The following CEMIP variants were observed in gnomAD, a reference collection of about 807,000 sequenced individuals.
CEMIP encodes cell migration inducing hyaluronidase 1, also known as cell migration-inducing and hyaluronan-binding protein.
CEMIP carries 105 observed loss-of-function variants against 156.9 expected under a neutral mutation model. That is an observed-to-expected ratio of 0.67 (90% CI 0.57 to 0.79). The LOEUF (loss-of-function observed/expected upper bound fraction) is 0.79. CEMIP is among the 30% of genes least tolerant of loss of function. The pLI is 0.00. For synonymous variants in CEMIP, 676 were observed against 668.4 expected, an observed-to-expected ratio of 1.01 and a Z score of -0.17; for missense variants, 1,457 against 1,769.4, an observed-to-expected ratio of 0.82 and a Z score of 3.17.
At chr15:80,809,070 T>C (rs1488401912) in intron 1 of CEMIP, among the ~76,000 whole-genome samples, 1 of 152,208 alleles carries the variant, frequency 6.6e-6, no homozygotes, top group Admixed American at 6.5e-5. Flanking sequence ...CACAGTTTCA[T>C]ATAATGTCCG....
At position 80,946,999 on chromosome 15, in the gene CEMIP, G is replaced by A. The variant is rs201324806; in HGVS notation, c.3892G>A (p.Val1298Ile). 1.2e-5 allele frequency: 19 copies of A among 1,613,890 alleles called. No homozygotes were observed. The East Asian group carries it at 2.0e-4, about 17-fold the overall frequency. The part of the protein sequence containing the change: ...IVLMASKGRY[V>I]SRGPWTRVLE... ...GCTTATGGCATCAAAGGGAAGATAC[G>A]TCTCCAGAGGCCCATGGACCAGAGT... The change falls in exon 29 of 30, where the codon GTC becomes ATC. Residue 1298 changes from valine to isoleucine, a missense_variant. Physicochemically the swap from Val to Ile is conservative, Grantham distance 29 (BLOSUM62 3). Transcript: ENST00000394685.
chr15:80,851,820 G>A (rs959259740), intron 1 of CEMIP, among the ~76,000 whole-genome samples: 1 of 152,138 alleles, frequency 6.6e-6, no homozygotes, highest in Non-Finnish European at 1.5e-5. Flanking sequence ...ACTTCTTGAG[G>A]GACCTCATAC....
chr15:80,851,497 G>A (rs763194673), intron 1 of CEMIP, among the ~76,000 whole-genome samples: 14 of 152,186 alleles, frequency 9.2e-5, no homozygotes, highest in African/African-American at 2.9e-4. Flanking sequence ...GGAAATTCAC[G>A]TAATAAAATT....
chr15:80,850,666 T>C (rs1304175321), intron 1 of CEMIP, among the ~76,000 whole-genome samples: 1 of 152,034 alleles, frequency 6.6e-6, no homozygotes, highest in Non-Finnish European at 1.5e-5. Context: ...CTCCCTAAAG[T>C]TGAAGGTGTG....
At chr15:80,908,036 C>A (rs1487660960) in intron 13 of CEMIP, among the ~76,000 whole-genome samples, 1 of 152,186 alleles carries the variant, frequency 6.6e-6, no homozygotes, top group African/African-American at 2.4e-5. Context: ...GGATTTCTAT[C>A]ATCCCTGGCC....
intron 1 of CEMIP, among the ~76,000 whole-genome samples, chr15:80,809,876 C>A (rs988102100): frequency 6.6e-6 from 1 of 152,196 alleles, no homozygotes; most frequent in Non-Finnish European, 1.5e-5. Context: ...ATTGTTTGTG[C>A]TTTGAGTATC....
At chr15:80,891,142 A>G (rs1278644773) in intron 10 of CEMIP, among the ~76,000 whole-genome samples, 1 of 152,130 alleles carries the variant, frequency 6.6e-6, no homozygotes, top group Non-Finnish European at 1.5e-5. Context: ...CCCTCTCCAA[A>G]TACTTCTGGA....
At position 80,932,143 on chromosome 15, in the gene CEMIP, G is replaced by A; in HGVS notation, c.2793+104G>A. 1 of 1,327,264 alleles carries A rather than the reference G, an allele frequency of 7.5e-7. No individual in the cohort carries two copies. The highest frequency in any genetic ancestry group is 1.1e-6 in the Non-Finnish European group (1 of 937,292). 82.2% of individuals were successfully genotyped at this position (1,327,264 alleles called of 1,614,324 possible). On this transcript the variant is annotated intron_variant, in intron 22 of 29. Transcript: ENST00000394685. This position sits in a 1 kb window ranked among gnomAD's most constrained non-coding sequence, Gnocchi z 4.5. ...TTGAGCTATTGCCACCACCGCAGGG[G>A]TTGAGAAGCCTCCTCCAACTAGGCT...
chr15:80,945,901 C>T (rs951393665), intron 28 of CEMIP, among the ~76,000 whole-genome samples: 11 of 152,250 alleles, frequency 7.2e-5, no homozygotes, highest in Admixed American at 5.9e-4. Flanking sequence ...AGGGGATAGA[C>T]ACTCCTTATT....
Position 80,880,688 on chromosome 15 carries a change from G to A in CEMIP, c.381-212G>A, listed in dbSNP as rs552931789. ...TGACCTCAAGTGATCTGCCTGTCTC[G>A]GCCTCTCAAAGTGCTGGGATTACAG... On this transcript the variant is annotated intron_variant, in intron 5 of 29. Transcript: ENST00000394685. 7.2e-4 allele frequency among the ~76,000 whole-genome samples: 109 copies of A among 152,198 alleles called. 1 individual carries two copies. In the Middle Eastern group the frequency reaches 0.01, roughly 14 times the overall value.
At chr15:80,837,999 CCACT>C (rs1271694507) in intron 1 of CEMIP, among the ~76,000 whole-genome samples, 1 of 152,214 alleles carries the variant, frequency 6.6e-6, no homozygotes, top group Non-Finnish European at 1.5e-5. Context: ...AATGCATTTC[CCACT>C]CTGCCCCTCT....
intron 1 of CEMIP, among the ~76,000 whole-genome samples, chr15:80,814,956 G>A (rs1368460574): frequency 6.6e-6 from 1 of 152,178 alleles, no homozygotes; most frequent in African/African-American, 2.4e-5. Flanking sequence ...AAAGTGCTGG[G>A]ATTATAGACA....
At chr15:80,817,384 CAGG>C (rs1056250855) in intron 1 of CEMIP, among the ~76,000 whole-genome samples, 5 of 152,098 alleles carry the variant, frequency 3.3e-5, no homozygotes, top group African/African-American at 9.6e-5. Context: ...AGCTTGAGCT[CAGG>C]AGTTCAAGAC....
intron 14 of CEMIP, among the ~76,000 whole-genome samples, chr15:80,911,585 TCTCA>T (rs1211369970): frequency 6.6e-6 from 1 of 152,168 alleles, no homozygotes; most frequent in East Asian, 1.9e-4. Flanking sequence ...GGCTGTGCTT[TCTCA>T]CTCACTTGCT....
At chr15:80,822,205 C>A (rs963862602) in intron 1 of CEMIP, among the ~76,000 whole-genome samples, 1 of 152,214 alleles carries the variant, frequency 6.6e-6, no homozygotes, top group Admixed American at 6.5e-5. Context: ...ATGTGTTTCC[C>A]ATCAGTCCCA....
chr15:80,872,151 G>A lies in CEMIP; in HGVS notation c.-175-1387G>A, dbSNP rs116788232. Among the ~76,000 whole-genome samples the A allele has an allele frequency of 3.8e-3, 577 of 152,344 alleles. 1 individual carries two copies. Among genetic ancestry groups the A allele is most frequent in the African/African-American group, 0.013 (545 of 41,586 alleles). ...CACTTTGAACCGAAAGGTCAGGGGT[G>A]ACCAGACTTTTCGCTAAGCTGGTTC... On this transcript the variant is annotated intron_variant, in intron 1 of 29. Transcript: ENST00000394685.
intron 1 of CEMIP, among the ~76,000 whole-genome samples, chr15:80,869,719 G>T (rs1898228374): frequency 6.6e-6 from 1 of 152,164 alleles, no homozygotes; most frequent in Non-Finnish European, 1.5e-5. Flanking sequence ...ACCTCCCAAA[G>T]CTCCTACTCC....
Position 80,922,135 on chromosome 15 carries a change from C to T in CEMIP, c.2200C>T (p.Arg734Trp), listed in dbSNP as rs746952823. 8.1e-6 allele frequency: 13 copies of T among 1,614,210 alleles called. No homozygotes were observed. In the East Asian group the frequency reaches 1.8e-4, roughly 22 times the overall value. ...TAACAACCGAGCACATTCCAACTACCGGGTAAGTCTTTCCAGGCTGCGCCT... is the reference window on the plus strand; with the variant it reads ...TAACAACCGAGCACATTCCAACTACTGGGTAAGTCTTTCCAGGCTGCGCCT... ...FYNNRAHSNY[R>W]AGMIIDNGVK... is the part of the protein sequence containing the mutation. The change falls in exon 17 of 30, where the codon CGG becomes TGG. Residue 734 changes from arginine to tryptophan, a missense_variant and splice_region_variant. This residue lies in a region of CEMIP where 798 missense variants were observed against 980.1 expected (regional missense o/e 0.81). Coordinates refer to ENST00000394685, the MANE Select transcript of CEMIP (RefSeq NM_001293298.2).
At chr15:80,884,449 G>A (rs1193414203) in intron 7 of CEMIP, 95 bp downstream of exon 7, 33 of 1,287,702 alleles carry the variant, frequency 2.6e-5, no homozygotes, top group Non-Finnish European at 3.3e-5. Context: ...TCTCCCCACA[G>A]CCGTACCATC....
Sources: allele counts gnomAD v4.1 joint callset (sites outside exome capture counted in the v4.1 genomes callset), GRCh38; gene constraint gnomAD v4.1.1; regional missense constraint gnomAD v4.1.1; non-coding constraint Gnocchi (gnomAD v3.1); transcripts MANE v1.5; gene names NCBI Gene and HGNC (gene_info 2026-07-23, HGNC 2026-07-21).